Variants in CACNA2D3 observed in about 807,000 individuals in gnomAD.
CACNA2D3 encodes voltage-dependent calcium channel subunit alpha-2/delta-3.
A neutral mutation model predicts 160.6 loss-of-function variants in CACNA2D3; 60 were observed. The ratio of observed to expected loss-of-function variants is 0.37; its 90% CI spans 0.30 to 0.46. The LOEUF is 0.46. Among genes scored for constraint, CACNA2D3 ranks in the 20% least tolerant of loss-of-function variants. The pLI is 1.00. For synonymous variants in CACNA2D3, 558 were observed against 492.9 expected, an observed-to-expected ratio of 1.13 and a Z score of -1.75; for missense variants, 1,205 against 1,365.0, an observed-to-expected ratio of 0.88 and a Z score of 1.85.
At chr3:54,544,598 A>T (rs774352877) in intron 5 of CACNA2D3, among the ~76,000 whole-genome samples, 1 of 152,010 alleles carries the variant, frequency 6.6e-6, no homozygotes, top group African/African-American at 2.4e-5. Flanking sequence ...GGGTCTCACT[A>T]TATTGCCCAG....
At chr3:54,693,664 C>T (rs1054148564) in intron 11 of CACNA2D3, among the ~76,000 whole-genome samples, 11 of 152,212 alleles carry the variant, frequency 7.2e-5, no homozygotes, top group African/African-American at 2.6e-4. Context: ...CTGTTATTGC[C>T]CCTGAAGACC....
At chr3:54,748,976 G>T (rs970760172) in intron 11 of CACNA2D3, among the ~76,000 whole-genome samples, 2 of 152,186 alleles carry the variant, frequency 1.3e-5, no homozygotes, top group Admixed American at 1.3e-4. Context: ...GTACTAACTG[G>T]AATATGCAAG....
intron 2 of CACNA2D3, among the ~76,000 whole-genome samples, chr3:54,247,717 C>T (rs1702107861): frequency 6.6e-6 from 1 of 152,072 alleles, no homozygotes; most frequent in Non-Finnish European, 1.5e-5. Context: ...AAGCAGGAAA[C>T]CACAACTAGT....
At chr3:54,829,070 TA>T (rs1409596351) in intron 14 of CACNA2D3, among the ~76,000 whole-genome samples, 1 of 152,208 alleles carries the variant, frequency 6.6e-6, no homozygotes, top group African/African-American at 2.4e-5. Flanking sequence ...AGTGGAAATC[TA>T]AAGAATATAA....
At chr3:54,791,623 A>G (rs1006040963) in intron 13 of CACNA2D3, among the ~76,000 whole-genome samples, 13 of 152,320 alleles carry the variant, frequency 8.5e-5, no homozygotes, top group African/African-American at 2.2e-4. Flanking sequence ...GGTTTATTCA[A>G]TTAAAAGGAC....
intron 31 of CACNA2D3, among the ~76,000 whole-genome samples, chr3:54,998,090 A>T (rs185553532): frequency 6.6e-6 from 1 of 151,828 alleles, no homozygotes; most frequent in East Asian, 1.9e-4. Context: ...CATCAGAGAT[A>T]ATGTCAACAC....
chr3:54,347,904 A>G (rs1339024909), intron 3 of CACNA2D3, among the ~76,000 whole-genome samples: 1 of 152,188 alleles, frequency 6.6e-6, no homozygotes, highest in African/African-American at 2.4e-5. Context: ...GGTACACTGT[A>G]GGCTCCTAAT....
chr3:54,238,109 C>T (rs190469184), intron 2 of CACNA2D3, among the ~76,000 whole-genome samples: 9 of 152,286 alleles, frequency 5.9e-5, no homozygotes, highest in Admixed American at 5.9e-4. Flanking sequence ...AATTTCTTTG[C>T]ATTCATCAGA....
chr3:54,744,941 C>G (rs1238044704), intron 11 of CACNA2D3, among the ~76,000 whole-genome samples: 1 of 152,172 alleles, frequency 6.6e-6, no homozygotes, highest in Non-Finnish European at 1.5e-5. Context: ...CTCAAGATCA[C>G]CAAGCCAGTA....
chr3:54,826,535 C>G (rs995481923), intron 14 of CACNA2D3, among the ~76,000 whole-genome samples: 2 of 152,148 alleles, frequency 1.3e-5, no homozygotes, highest in Non-Finnish European at 2.9e-5. Flanking sequence ...GAACCACTTG[C>G]TGAATCATGA....
intron 9 of CACNA2D3, among the ~76,000 whole-genome samples, chr3:54,608,969 T>C (rs774977024): frequency 2.0e-5 from 3 of 152,190 alleles, no homozygotes; most frequent in Non-Finnish European, 2.9e-5. Flanking sequence ...TTTTCTTAAC[T>C]ACAACCCAAG....
intron 2 of CACNA2D3, among the ~76,000 whole-genome samples, chr3:54,220,600 C>T (rs1701549436): frequency 6.6e-6 from 1 of 152,114 alleles, no homozygotes; most frequent in African/African-American, 2.4e-5. Context: ...CAGCCTGGAG[C>T]CTCAGCACCC....
intron 11 of CACNA2D3, among the ~76,000 whole-genome samples, chr3:54,682,270 A>G (rs1312603856): frequency 6.6e-6 from 1 of 152,192 alleles, no homozygotes; most frequent in African/African-American, 2.4e-5. Context: ...GCATAATTAT[A>G]TGCAGACTTA....
At chr3:54,586,943 A>G (rs1702772467) in intron 9 of CACNA2D3, among the ~76,000 whole-genome samples, 1 of 152,116 alleles carries the variant, frequency 6.6e-6, no homozygotes, top group African/African-American at 2.4e-5. Context: ...GGAAGTCTTA[A>G]AAGAAATTAA....
intron 11 of CACNA2D3, among the ~76,000 whole-genome samples, chr3:54,744,948 A>G (rs1701725294): frequency 6.6e-6 from 1 of 152,270 alleles, no homozygotes; most frequent in Non-Finnish European, 1.5e-5. Context: ...TCACCAAGCC[A>G]GTAAGTGTAG....
chr3:54,134,327 T>A (rs1699776284), intron 2 of CACNA2D3, among the ~76,000 whole-genome samples: 1 of 152,060 alleles, frequency 6.6e-6, no homozygotes, highest in Admixed American at 6.5e-5. Flanking sequence ...ACCTTAAATT[T>A]CCCCAGGGCG....
At chr3:54,698,077 T>G (rs1700696884) in intron 11 of CACNA2D3, among the ~76,000 whole-genome samples, 1 of 152,250 alleles carries the variant, frequency 6.6e-6, no homozygotes, top group African/African-American at 2.4e-5. Context: ...TCATTTAAAA[T>G]GATGAACTGC....
intron 2 of CACNA2D3, among the ~76,000 whole-genome samples, chr3:54,150,822 T>TGATG (rs10599520): frequency 6.0e-4 from 91 of 150,898 alleles, no homozygotes; most frequent in East Asian, 5.9e-4. Flanking sequence ...GCTTAATACA[T>TGATG]GATGGATGGA....
At chr3:54,311,548 A>G (rs558741394) in intron 2 of CACNA2D3, among the ~76,000 whole-genome samples, 4 of 152,200 alleles carry the variant, frequency 2.6e-5, no homozygotes, top group Non-Finnish European at 5.9e-5. Flanking sequence ...GTCCCTGGCC[A>G]GAGCACCCTT....
Sources: gnomAD v4.1 joint callset for allele counts (sites outside exome capture counted in the v4.1 genomes callset) on GRCh38, gnomAD v4.1.1 for gene constraint, MANE v1.5 for transcripts, NCBI Gene and HGNC (gene_info 2026-07-23, HGNC 2026-07-21) for gene names.